CYFIP2: variants seen among roughly 807,000 people sequenced by gnomAD.
CYFIP2 encodes the protein cytoplasmic FMR1-interacting protein 2.
Under a neutral mutation model 158.7 loss-of-function variants are expected in CYFIP2, and 29 were observed. That is an observed-to-expected ratio of 0.18 (90% confidence interval 0.14 to 0.25). The LOEUF is 0.25. CYFIP2 is among the 10% of genes least tolerant of loss of function. The probability of loss-of-function intolerance (pLI) is 1.00; values close to 1 mark genes in which losing one functional copy is unlikely to be tolerated. For synonymous variants in CYFIP2, 585 were observed against 617.6 expected (o/e 0.95, Z 0.78); for missense variants, 852 against 1,639.5 (o/e 0.52, Z 8.29).
intron 23 of CYFIP2, among the ~76,000 whole-genome samples, chr5:157,351,568 A>G (rs1763074443): frequency 6.6e-6 from 1 of 152,200 alleles, no homozygotes. Context: ...ACCATTGTAC[A>G]ACGGGAGAGA....
chr5:157,341,617 A>G (rs1046917021), intron 23 of CYFIP2: 2 of 158,322 alleles, frequency 1.3e-5, no homozygotes, highest in African/African-American at 4.8e-5. Context: ...ATGAATCTTT[A>G]TTTGTTCACA....
At chr5:157,314,585 T>G in intron 12 of CYFIP2, 122 bp downstream of exon 12, 1 of 1,344,848 alleles carries the variant, frequency 7.4e-7, no homozygotes, top group Non-Finnish European at 9.9e-7. Context: ...ACCATACGAT[T>G]TACCCATTTA....
chr5:157,309,977 G>A, intron 10 of CYFIP2, 143 bp downstream of exon 10: 2 of 775,386 alleles, frequency 2.6e-6, no homozygotes, highest in South Asian at 3.3e-5. Context: ...GGCCGGAGGG[G>A]AGCCGCGAGG....
At chr5:157,353,741 T>C (rs913296588) in intron 23 of CYFIP2, among the ~76,000 whole-genome samples, 3 of 152,200 alleles carry the variant, frequency 2.0e-5, no homozygotes, top group Admixed American at 2.0e-4. Context: ...AGAGCTGTGT[T>C]TGTGTTTGCG....
chr5:157,297,199 G>T (rs550547165), intron 5 of CYFIP2, among the ~76,000 whole-genome samples: 6 of 152,334 alleles, frequency 3.9e-5, no homozygotes, highest in African/African-American at 1.4e-4. Flanking sequence ...GGCAGAAGTT[G>T]CCACAGAGGC....
intron 17 of CYFIP2, 23 bp downstream of exon 17, chr5:157,325,661 C>A (rs1355289573): frequency 7.6e-6 from 12 of 1,574,502 alleles, no homozygotes; most frequent in Non-Finnish European, 1.0e-5. Flanking sequence ...ATTGGGCCAG[C>A]AAGTGGCTCC....
rs1477533855 is a variant in CYFIP2 at position 157,311,033 on chromosome 5, C to T, written c.993-631C>T. On this transcript the variant is annotated intron_variant, in intron 10 of 30. Coordinates refer to ENST00000620254, the MANE Select transcript of CYFIP2 (RefSeq NM_001037333.3). This position sits in a 1 kb window ranked among gnomAD's most constrained non-coding sequence, Gnocchi z 4.7. ...TTCCTAATGACATCTTTTCACAAGG[C>T]GTGGAAAAAAGGCGGAGGGAAGGAG... 2.3e-6 allele frequency: 1 copy of T among 444,330 alleles called. No homozygotes were observed. The highest frequency in any genetic ancestry group is 2.2e-5 in the African/African-American group (1 of 45,810). The allele number at this position is 444,330 out of a possible 1,614,324, so 27.5% of individuals were successfully genotyped here. A position where few individuals can be genotyped will look rare whatever the true frequency, so the allele number is the denominator to read the frequency against.
chr5:157,271,795 C>T (rs1395888183), intron 1 of CYFIP2, among the ~76,000 whole-genome samples: 1 of 152,194 alleles, frequency 6.6e-6, no homozygotes, highest in Non-Finnish European at 1.5e-5. Context: ...GAGCTGAGTT[C>T]CACGTGCTCC....
Position 157,365,685 on chromosome 5 carries a change from C to T in CYFIP2, c.3039+4087C>T, listed in dbSNP as rs548969407. Among the ~76,000 whole-genome samples, 5 of 151,222 alleles carry T rather than the reference C, an allele frequency of 3.3e-5. No homozygotes were observed. In the East Asian group the frequency reaches 5.8e-4, roughly 18 times the overall value. On this transcript the variant is annotated intron_variant, in intron 26 of 30. Transcript: ENST00000620254. ...TTCTTTCATGCCCTCTTCAGTGTTCCGCAAGGAATCGTAGTTCCGAGTTCT... is the reference window on the plus strand; with the variant it reads ...TTCTTTCATGCCCTCTTCAGTGTTCTGCAAGGAATCGTAGTTCCGAGTTCT...
chr5:157,304,353 A>C lies in CYFIP2; in HGVS notation c.782A>C (p.His261Pro). ...ATGTACCTGACTCCCAGTGAGAAAC[A>C]TATGCTCCTCAAGGTAAAACTCCCC... ...NKMYLTPSEK[H>P]MLLKVMGFGL... is the part of the protein sequence containing the mutation. Residue 261 changes from histidine to proline, a missense_variant, in exon 8 of 31, where the codon CAT becomes CCT. By Grantham distance (77) the His-to-Pro change is moderately conservative. Transcript: ENST00000620254. 1 of 1,613,660 alleles carries C rather than the reference A, an allele frequency of 6.2e-7. No individual in the cohort carries two copies. Among genetic ancestry groups the C allele is most frequent in the Non-Finnish European group, 8.5e-7 (1 of 1,179,668 alleles).
intron 26 of CYFIP2, chr5:157,363,036 C>G (rs888882991): frequency 6.6e-6 from 1 of 152,328 alleles, no homozygotes; most frequent in African/African-American, 2.4e-5. Context: ...AGCACACCCC[C>G]CGTACATCTC....
At chr5:157,269,261 T>A (rs1382565698) in intron 1 of CYFIP2, 1 of 151,452 alleles carries the variant, frequency 6.6e-6, no homozygotes, top group African/African-American at 2.4e-5. Flanking sequence ...ACAAGAGAGG[T>A]GGGTGGAACC....
chr5:157,293,149 G>A (rs889704888), intron 3 of CYFIP2, among the ~76,000 whole-genome samples: 3 of 152,032 alleles, frequency 2.0e-5, no homozygotes, highest in Admixed American at 6.6e-5. Context: ...TCTGCCCCCC[G>A]AGTTCATGCA....
At position 157,275,951 on chromosome 5, in the gene CYFIP2, G is replaced by A. The variant is rs560680145; in HGVS notation, c.-23-9388G>A. On this transcript the variant is annotated intron_variant, in intron 1 of 30. Transcript: ENST00000620254. ...TTTCTCCATTTTATTTTCATATTGT[G>A]CATTGCTGGTATATAGAGATACTAC... 5.9e-5 allele frequency among the ~76,000 whole-genome samples: 9 copies of A among 152,194 alleles called. No homozygotes were observed. The South Asian group carries it at 1.9e-3, about 32-fold the overall frequency.
chr5:157,336,597 G>C (rs569797493), intron 21 of CYFIP2, among the ~76,000 whole-genome samples: 1 of 152,314 alleles, frequency 6.6e-6, no homozygotes, highest in East Asian at 1.9e-4. Context: ...CCACAGAGCT[G>C]GTTGACAGTT....
chr5:157,313,220 T>G (rs1484033887), intron 11 of CYFIP2, among the ~76,000 whole-genome samples: 1 of 152,240 alleles, frequency 6.6e-6, no homozygotes, highest in African/African-American at 2.4e-5. Flanking sequence ...GGTCACAACA[T>G]TTTCATCAAC....
At chr5:157,342,661 GTTT>G in intron 23 of CYFIP2, 1 of 523,736 alleles carries the variant, frequency 1.9e-6, no homozygotes, top group South Asian at 3.8e-5. Flanking sequence ...GAGATGCCTC[GTTT>G]GTGCCTTGGC....
chr5:157,358,840 C>T (rs945716012), intron 23 of CYFIP2, among the ~76,000 whole-genome samples, 165 bp from the exon 24 acceptor site: 1 of 152,220 alleles, frequency 6.6e-6, no homozygotes, highest in Non-Finnish European at 1.5e-5. Flanking sequence ...TCACTGACCA[C>T]ACCTCTCTCT....
intron 13 of CYFIP2, among the ~76,000 whole-genome samples, chr5:157,315,659 G>C (rs1465023348): frequency 6.6e-6 from 1 of 152,176 alleles, no homozygotes; most frequent in African/African-American, 2.4e-5. Flanking sequence ...TAAGCCAACT[G>C]TGCAGAGATA....
Sources: allele counts gnomAD v4.1 joint callset (sites outside exome capture counted in the v4.1 genomes callset), GRCh38; gene constraint gnomAD v4.1.1; non-coding constraint Gnocchi (gnomAD v3.1); transcripts MANE v1.5; gene names NCBI Gene and HGNC (gene_info 2026-07-23, HGNC 2026-07-21).